Variants in TRDN observed in about 807,000 individuals in gnomAD.
The protein encoded by TRDN is triadin in skeletal muscle.
In TRDN, 161 loss-of-function variants were observed where a neutral mutation model predicts 149.7. That is an observed-to-expected ratio of 1.08 (90% confidence interval 0.95 to 1.23). The LOEUF (loss-of-function observed/expected upper bound fraction) is 1.23, where lower values mean the gene tolerates loss of function less well. Among genes scored for constraint, TRDN ranks in the 50% most tolerant of loss-of-function variants. The pLI, the probability that TRDN is intolerant of heterozygous loss-of-function variation, is 0.00. For synonymous variants in TRDN, 294 were observed against 250.5 expected (o/e 1.17, Z -1.64); for missense variants, 896 against 823.5 (o/e 1.09, Z -1.08).
At chr6:123,316,342 A>T in intron 24 of TRDN, 115 bp downstream of exon 24, 1 of 967,222 alleles carries the variant, frequency 1.0e-6, no homozygotes, top group Non-Finnish European at 1.6e-6. Context: ...GTATTTTTTT[A>T]ATGTTTTGGA....
intron 21 of TRDN, among the ~76,000 whole-genome samples, chr6:123,340,194 A>C (rs932924472): frequency 6.6e-6 from 1 of 152,152 alleles, no homozygotes; most frequent in Non-Finnish European, 1.5e-5. Flanking sequence ...ACAAGACAAA[A>C]GACTGAAATA....
At chr6:123,308,368 G>A (rs1224543126) in intron 24 of TRDN, among the ~76,000 whole-genome samples, 1 of 148,268 alleles carries the variant, frequency 6.7e-6, no homozygotes, top group Non-Finnish European at 1.5e-5. Context: ...GAAAGCTTTT[G>A]CATAAATACC....
intron 24 of TRDN, among the ~76,000 whole-genome samples, chr6:123,280,857 G>T (rs1204323935): frequency 6.6e-6 from 1 of 151,764 alleles, no homozygotes; most frequent in Non-Finnish European, 1.5e-5. Flanking sequence ...GAGATATTTG[G>T]GGACAGTGGT....
chr6:123,636,000 A>G (rs1786292812), intron 1 of TRDN, among the ~76,000 whole-genome samples: 1 of 151,974 alleles, frequency 6.6e-6, no homozygotes, highest in South Asian at 2.1e-4. Flanking sequence ...AAGCATTGAA[A>G]CAGAAAATAT....
At chr6:123,294,275 G>A (rs1778113484) in intron 24 of TRDN, among the ~76,000 whole-genome samples, 1 of 152,098 alleles carries the variant, frequency 6.6e-6, no homozygotes, top group Non-Finnish European at 1.5e-5. Context: ...AGCTATATCT[G>A]GCCAACTATC....
intron 10 of TRDN, among the ~76,000 whole-genome samples, chr6:123,457,068 G>T (rs947672103): frequency 6.6e-6 from 1 of 152,224 alleles, no homozygotes; most frequent in Non-Finnish European, 1.5e-5. Context: ...TAACAAGAAA[G>T]AGATTAGATC....
At position 123,271,039 on chromosome 6, in the gene TRDN, C is replaced by G. The variant is rs368927584; in HGVS notation, c.1720+100G>C. 8 of 420,414 alleles carry G rather than the reference C, an allele frequency of 1.9e-5. No individual in the cohort carries two copies. In the South Asian group the frequency reaches 5.0e-4, roughly 26 times the overall value. 26.0% of individuals were successfully genotyped at this position (420,414 alleles called of 1,614,324 possible). On this transcript the variant is annotated intron_variant, in intron 30 of 40. Coordinates refer to ENST00000334268, the MANE Select transcript of TRDN (RefSeq NM_006073.4). ...AAAGCCTACACACTTCAGTGAAGGG[C>G]TGTGTGTGTGTGTGTGTGTGTGTGT...
chr6:123,577,195 C>A (rs557570633), intron 1 of TRDN, among the ~76,000 whole-genome samples: 19 of 152,060 alleles, frequency 1.2e-4, no homozygotes, highest in Admixed American at 1.1e-3. Flanking sequence ...AAGGTCAAGG[C>A]AGATTTCATT....
At chr6:123,331,525 A>G (rs557815833) in intron 23 of TRDN, among the ~76,000 whole-genome samples, 31 of 152,072 alleles carry the variant, frequency 2.0e-4, no homozygotes, top group Non-Finnish European at 3.8e-4. Context: ...AGAAATTTTT[A>G]CTATTTCATT....
intron 2 of TRDN, among the ~76,000 whole-genome samples, chr6:123,552,544 T>A (rs1429504860): frequency 1.3e-5 from 2 of 152,126 alleles, no homozygotes; most frequent in African/African-American, 4.8e-5. Flanking sequence ...ACTGATAGCA[T>A]TCAAGTTCAA....
chr6:123,522,720 C>A (rs1208444834), intron 5 of TRDN, among the ~76,000 whole-genome samples: 1 of 152,010 alleles, frequency 6.6e-6, no homozygotes, highest in Non-Finnish European at 1.5e-5. Context: ...GGAAAGTTGT[C>A]TGTAGGAATG....
At chr6:123,480,055 A>T (rs1777672372) in intron 9 of TRDN, among the ~76,000 whole-genome samples, 1 of 152,108 alleles carries the variant, frequency 6.6e-6, no homozygotes, top group Non-Finnish European at 1.5e-5. Context: ...TTTTTTATCA[A>T]AATAGAGATG....
intron 9 of TRDN, among the ~76,000 whole-genome samples, chr6:123,486,890 A>C (rs1287670246): frequency 6.6e-6 from 1 of 152,068 alleles, no homozygotes; most frequent in Non-Finnish European, 1.5e-5. Context: ...GAATTTGTCC[A>C]TATGATCCTC....
rs1490477937 is a variant in TRDN, at chr6:123,446,606, A to AC, written c.932-7604_932-7603insG. On this transcript the variant is annotated intron_variant, in intron 10 of 40. Coordinates refer to ENST00000334268, the MANE Select transcript of TRDN (RefSeq NM_006073.4). Reference sequence around the variant, plus strand: ...TCTCAAAAAAAAAAAAAAAAAAAAAAAAAGAAGAGCTAGGCCTAGTGAGGC... The same window carrying AC: ...TCTCAAAAAAAAAAAAAAAAAAAAAACAAAGAAGAGCTAGGCCTAGTGAGGC... 1.8e-3 allele frequency among the ~76,000 whole-genome samples: 270 copies of AC among 146,074 alleles called. 1 individual carries two copies. Among genetic ancestry groups the AC allele is most frequent in the African/African-American group, 6.7e-3 (262 of 38,912 alleles).
chr6:123,592,658 C>T (rs554637811), intron 1 of TRDN, among the ~76,000 whole-genome samples: 1 of 152,286 alleles, frequency 6.6e-6, no homozygotes, highest in East Asian at 1.9e-4. Flanking sequence ...GAGTGAGCTT[C>T]ATAAGCTTTA....
intron 1 of TRDN, among the ~76,000 whole-genome samples, chr6:123,591,971 T>C (rs1433719569): frequency 6.6e-6 from 1 of 152,206 alleles, no homozygotes. Context: ...AGTATTCTTT[T>C]CCTCTTTGAT....
At chr6:123,472,299 C>T (rs527508507) in intron 9 of TRDN, among the ~76,000 whole-genome samples, 8 of 152,152 alleles carry the variant, frequency 5.3e-5, no homozygotes, top group East Asian at 3.9e-4. Context: ...GTTCCCCTTC[C>T]GAGTCAAAGA....
chr6:123,510,895 C>T (rs6938333), intron 7 of TRDN, among the ~76,000 whole-genome samples: 126,458 of 152,128 alleles, frequency 0.83, 52,782 homozygotes, highest in East Asian at 0.88. Context: ...TCACCGGCCT[C>T]GGCCTCCCAG....
intron 10 of TRDN, among the ~76,000 whole-genome samples, chr6:123,439,366 T>C (rs1774752472): frequency 6.6e-6 from 1 of 152,226 alleles, no homozygotes; most frequent in South Asian, 2.1e-4. Context: ...TTGGAAAATA[T>C]ACTGCAGATA....
Sources: gnomAD v4.1 joint callset for allele counts (sites outside exome capture counted in the v4.1 genomes callset) on GRCh38, gnomAD v4.1.1 for gene constraint, MANE v1.5 for transcripts, NCBI Gene and HGNC (gene_info 2026-07-23, HGNC 2026-07-21) for gene names.